Variants in THSD7B observed in about 807,000 individuals in gnomAD.
The protein encoded by THSD7B is thrombospondin type 1 domain containing 7B.
Under a neutral mutation model 213.6 loss-of-function variants are expected in THSD7B, and 138 were observed. The ratio of observed to expected loss-of-function variants is 0.65; its 90% CI spans 0.56 to 0.74. The LOEUF (loss-of-function observed/expected upper bound fraction) is 0.74, where lower values mean the gene tolerates loss of function less well. THSD7B is among the 30% of genes least tolerant of loss of function. The probability of loss-of-function intolerance (pLI) is 0.00; values close to 1 mark genes in which losing one functional copy is unlikely to be tolerated. For synonymous variants in THSD7B, 742 were observed against 687.0 expected (o/e 1.08, Z -1.25); for missense variants, 1,931 against 1,991.5 (o/e 0.97, Z 0.58).
In THSD7B at chr2:137,026,831, C is replaced by A. The variant is rs949114699; in HGVS notation, c.140-29589C>A. 4.6e-5 allele frequency among the ~76,000 whole-genome samples: 7 copies of A among 151,792 alleles called. No homozygotes were observed. In the East Asian group the frequency reaches 1.4e-3, roughly 30 times the overall value. On this transcript the variant is annotated intron_variant, in intron 2 of 27. Transcript: ENST00000409968. ...ACTCTCGTGTCCTGATATTTAGGGT[C>A]ATTGATCATTTGTCCTTTTTATCTC...
Position 137,322,520 on chromosome 2 carries a change from A to G in THSD7B, c.2500+46494A>G, listed in dbSNP as rs78480443. Among the ~76,000 whole-genome samples the G allele has an allele frequency of 7.1e-3, 1,079 of 152,286 alleles. 14 individuals are homozygous for G. Among genetic ancestry groups the G allele is most frequent in the African/African-American group, 0.024 (1,005 of 41,552 alleles). ...TATCACTCCCATTTTATATATAACG[A>G]GACTGAATCTTGGAGAAATTAACTT... On this transcript the variant is annotated intron_variant, in intron 12 of 27. Transcript: ENST00000409968.
At chr2:136,969,922 A>G (rs1685377752) in intron 2 of THSD7B, among the ~76,000 whole-genome samples, 1 of 152,214 alleles carries the variant, frequency 6.6e-6, no homozygotes, top group African/African-American at 2.4e-5. Flanking sequence ...TGAAAGTCAT[A>G]AACTAGCAAA....
intron 2 of THSD7B, among the ~76,000 whole-genome samples, chr2:136,982,206 T>G (rs1428476534): frequency 6.6e-6 from 1 of 152,230 alleles, no homozygotes; most frequent in Non-Finnish European, 1.5e-5. Context: ...TGGCCCCAAA[T>G]TTTAGATATT....
intron 12 of THSD7B, among the ~76,000 whole-genome samples, chr2:137,336,174 A>G (rs1314421280): frequency 1.3e-5 from 2 of 152,212 alleles, no homozygotes; most frequent in East Asian, 3.8e-4. Context: ...AAAATATTCA[A>G]GGTGACTTTA....
chr2:137,554,025 ACT>A (rs1491091484), intron 15 of THSD7B, among the ~76,000 whole-genome samples: 1 of 98,064 alleles, frequency 1.0e-5, no homozygotes, highest in East Asian at 2.5e-4. Context: ...AAAGATAGCT[ACT>A]TTTTTTTTTT....
intron 12 of THSD7B, among the ~76,000 whole-genome samples, chr2:137,306,373 C>A (rs1159484183): frequency 1.3e-5 from 2 of 152,092 alleles, no homozygotes; most frequent in African/African-American, 4.8e-5. Flanking sequence ...GCCAGGTTGA[C>A]ACATTATAAA....
chr2:137,651,024 C>T, intron 21 of THSD7B, among the ~76,000 whole-genome samples: 1 of 152,064 alleles, frequency 6.6e-6, no homozygotes, highest in East Asian at 1.9e-4. Context: ...GTGATACTGG[C>T]CTATAGTTTT....
intron 14 of THSD7B, among the ~76,000 whole-genome samples, chr2:137,442,728 T>C (rs1687441597): frequency 6.6e-6 from 1 of 152,098 alleles, no homozygotes; most frequent in Non-Finnish European, 1.5e-5. Flanking sequence ...TGTGGTAAAG[T>C]GTTCAGGAAC....
At chr2:136,990,681 G>A (rs1207938998) in intron 2 of THSD7B, among the ~76,000 whole-genome samples, 1 of 152,132 alleles carries the variant, frequency 6.6e-6, no homozygotes, top group African/African-American at 2.4e-5. Context: ...TGGCAGACAA[G>A]TTCACAACAG....
chr2:137,237,268 A>G (rs1390378508), intron 9 of THSD7B, among the ~76,000 whole-genome samples: 7 of 152,222 alleles, frequency 4.6e-5, no homozygotes, highest in Admixed American at 2.0e-4. Context: ...AGAGTATTAC[A>G]TGAAAGCAGG....
chr2:137,468,010 G>A (rs772967117), intron 15 of THSD7B, among the ~76,000 whole-genome samples: 2 of 152,174 alleles, frequency 1.3e-5, no homozygotes, highest in African/African-American at 2.4e-5. Flanking sequence ...ACATATTAAT[G>A]AGTGCTCATA....
chr2:136,788,074 G>A (rs1207600555), intron 1 of THSD7B, among the ~76,000 whole-genome samples: 1 of 152,210 alleles, frequency 6.6e-6, no homozygotes, highest in Non-Finnish European at 1.5e-5. Context: ...TCGTGTTGAA[G>A]CCAACTGGAG....
chr2:137,395,716 T>G (rs1668961929), intron 12 of THSD7B, among the ~76,000 whole-genome samples: 1 of 152,142 alleles, frequency 6.6e-6, no homozygotes, highest in Non-Finnish European at 1.5e-5. Context: ...TTCTATTGAT[T>G]GGAATAGTTT....
chr2:137,667,775 T>G lies in THSD7B; in HGVS notation c.4653T>G (p.Asp1551Glu). The change falls in exon 27 of 28, where the codon GAT becomes GAG. Residue 1551 changes from aspartate to glutamate, a missense_variant and splice_region_variant. Transcript: ENST00000409968. Reference sequence around the variant, plus strand: ...TTATGTTATCTCTATTTTAAACAGATGGCCGAGTAAAAATTTGGGTTTATG... The same window carrying G: ...TTATGTTATCTCTATTTTAAACAGAGGGCCGAGTAAAAATTTGGGTTTATG... Reference protein sequence around the residue: ...KGWSLQPLDPDGRVKIWVYGV... With the variant: ...KGWSLQPLDPEGRVKIWVYGV... The G allele has an allele frequency of 6.2e-7, 1 of 1,601,714 alleles. No homozygotes were observed. The highest frequency in any genetic ancestry group is 8.5e-7 in the Non-Finnish European group (1 of 1,173,168).
At chr2:137,581,767 A>T (rs1230700350) in intron 17 of THSD7B, among the ~76,000 whole-genome samples, 20 of 142,778 alleles carry the variant, frequency 1.4e-4, no homozygotes, top group African/African-American at 4.7e-4. Context: ...CTCAAAAAAA[A>T]AAATAAAAAA....
intron 5 of THSD7B, among the ~76,000 whole-genome samples, chr2:137,134,482 G>A: frequency 6.6e-6 from 1 of 152,134 alleles, no homozygotes; most frequent in South Asian, 2.1e-4. Context: ...GTGTCAGCTG[G>A]AGCAGCAGTC....
At chr2:137,053,146 C>T (rs564426336) in intron 2 of THSD7B, among the ~76,000 whole-genome samples, 65 of 152,046 alleles carry the variant, frequency 4.3e-4, no homozygotes, top group Non-Finnish European at 8.2e-4. Context: ...GCCTTCATTA[C>T]CTGTTCTACT....
At chr2:137,180,777 A>T (rs1029944623) in intron 7 of THSD7B, among the ~76,000 whole-genome samples, 2 of 152,218 alleles carry the variant, frequency 1.3e-5, no homozygotes, top group Non-Finnish European at 2.9e-5. Flanking sequence ...TGCATGTCAC[A>T]TGTACCAACT....
At chr2:137,442,945 ATC>A (rs1687449696) in intron 14 of THSD7B, among the ~76,000 whole-genome samples, 1 of 152,106 alleles carries the variant, frequency 6.6e-6, no homozygotes, top group Non-Finnish European at 1.5e-5. Context: ...GGTTATTTAA[ATC>A]TGTGTGTCTT....
Sources: allele counts gnomAD v4.1 joint callset (sites outside exome capture counted in the v4.1 genomes callset), GRCh38; gene constraint gnomAD v4.1.1; transcripts MANE v1.5; gene names NCBI Gene and HGNC (gene_info 2026-07-23, HGNC 2026-07-21).